MBD5: variants seen among roughly 807,000 people sequenced by gnomAD.
The protein encoded by MBD5 is methyl-CpG-binding domain protein 5.
A neutral mutation model predicts 117.3 loss-of-function variants in MBD5; 13 were observed. That is an observed-to-expected ratio of 0.11 (90% CI 0.07 to 0.18). The LOEUF (loss-of-function observed/expected upper bound fraction) is 0.18. Among genes scored for constraint, MBD5 ranks in the 10% least tolerant of loss-of-function variants. MBD5 has a pLI of 1.00. For missense variants in MBD5, 1,879 were observed against 2,093.8 expected (o/e 0.90, Z 2.00); for synonymous variants, 727 against 766.4 (o/e 0.95, Z 0.85).
chr2:148,281,322 T>C lies in MBD5; in HGVS notation c.-680+47927T>C, dbSNP rs577923756. On this transcript the variant is annotated intron_variant, in intron 3 of 13. Coordinates refer to ENST00000642680, the MANE Select transcript of MBD5 (RefSeq NM_001378120.1). ...TGCTCAATCCTGTTTTCCAGTTTAC[T>C]AGGTGCCTTTTCTACTATATCCTTT... Among the ~76,000 whole-genome samples the C allele has an allele frequency of 4.6e-5, 7 of 152,308 alleles. No homozygotes were observed. In the South Asian group the frequency reaches 1.0e-3, roughly 23 times the overall value.
intron 1 of MBD5, among the ~76,000 whole-genome samples, chr2:148,135,928 C>T (rs909757939): frequency 1.1e-4 from 17 of 152,128 alleles, no homozygotes; most frequent in Non-Finnish European, 2.9e-5. Flanking sequence ...TTTGGTCGTA[C>T]CTTCTGAACC....
chr2:148,496,346 A>G (rs1161899516), intron 11 of MBD5, among the ~76,000 whole-genome samples: 1 of 152,230 alleles, frequency 6.6e-6, no homozygotes, highest in Non-Finnish European at 1.5e-5. Context: ...AGAACTAGCA[A>G]AGACCAAAAA....
At chr2:148,141,804 T>C (rs6738143) in intron 1 of MBD5, among the ~76,000 whole-genome samples, 1 of 79,826 alleles carries the variant, frequency 1.3e-5, no homozygotes, top group South Asian at 4.3e-4. Flanking sequence ...AAAAAAAAAA[T>C]GTTTTTAATA....
At chr2:148,158,411 T>C (rs1406723279) in intron 1 of MBD5, among the ~76,000 whole-genome samples, 1 of 152,212 alleles carries the variant, frequency 6.6e-6, no homozygotes, top group Non-Finnish European at 1.5e-5. Context: ...GGCAGGTTTT[T>C]CTTTAAGTCT....
In MBD5 at chr2:148,167,504, T is replaced by C. The variant is rs148456562; in HGVS notation, c.-924-11196T>C. Among the ~76,000 whole-genome samples the C allele has an allele frequency of 3.1e-4, 47 of 152,304 alleles. No homozygotes were observed. The East Asian group carries it at 7.3e-3, about 24-fold the overall frequency. On this transcript the variant is annotated intron_variant, in intron 1 of 13. Coordinates refer to ENST00000642680, the MANE Select transcript of MBD5 (RefSeq NM_001378120.1). Reference sequence around the variant, plus strand: ...TTGCTACTACCATGTAAATAAAGGATTGTGGTCTGCATTCTAGATTTTTTT... The same window carrying C: ...TTGCTACTACCATGTAAATAAAGGACTGTGGTCTGCATTCTAGATTTTTTT...
intron 2 of MBD5, among the ~76,000 whole-genome samples, chr2:148,227,997 A>G (rs1462549588): frequency 6.6e-6 from 1 of 152,206 alleles, no homozygotes; most frequent in Non-Finnish European, 1.5e-5. Flanking sequence ...TTATCAGCTT[A>G]AGGAGATTTT....
At chr2:148,331,664 CAT>C (rs1270348787) in intron 3 of MBD5, among the ~76,000 whole-genome samples, 1 of 151,812 alleles carries the variant, frequency 6.6e-6, no homozygotes, top group African/African-American at 2.4e-5. Context: ...TATGCTAAAA[CAT>C]GTGAGTTTGG....
At chr2:148,129,694 C>A (rs1296040763) in intron 1 of MBD5, among the ~76,000 whole-genome samples, 1 of 152,052 alleles carries the variant, frequency 6.6e-6, no homozygotes, top group Non-Finnish European at 1.5e-5. Flanking sequence ...TGTTGAAAAT[C>A]TGGGGAAGAA....
chr2:148,023,859 A>G (rs1013859466), intron 1 of MBD5, among the ~76,000 whole-genome samples: 34 of 151,830 alleles, frequency 2.2e-4, no homozygotes, highest in African/African-American at 8.2e-4. Flanking sequence ...TCTAAGTTGG[A>G]TAATGATTTA....
Position 148,439,187 on chromosome 2 carries a change from T to G in MBD5, c.-556-19016T>G, listed in dbSNP as rs200376923. On this transcript the variant is annotated intron_variant, in intron 4 of 13. Transcript: ENST00000642680. Reference sequence around the variant, plus strand: ...TTTCAGGATTTCAGCATTTGAAATTTTAAGTTTTTGGGATTCTGATTTTCA... The same window carrying G: ...TTTCAGGATTTCAGCATTTGAAATTGTAAGTTTTTGGGATTCTGATTTTCA... Among the ~76,000 whole-genome samples the G allele has an allele frequency of 3.9e-5, 6 of 152,146 alleles. No homozygotes were observed. In the East Asian group the frequency reaches 1.2e-3, roughly 29 times the overall value.
At chr2:148,069,421 G>A (rs2105065373) in intron 1 of MBD5, among the ~76,000 whole-genome samples, 1 of 151,300 alleles carries the variant, frequency 6.6e-6, no homozygotes, top group Non-Finnish European at 1.5e-5. Flanking sequence ...ACTATTGTTG[G>A]CATTCATAGT....
intron 1 of MBD5, among the ~76,000 whole-genome samples, chr2:148,171,666 A>T (rs935160112): frequency 6.6e-6 from 1 of 152,228 alleles, no homozygotes; most frequent in African/African-American, 2.4e-5. Flanking sequence ...ATAGGAAAAG[A>T]AGTAGTAAAA....
intron 3 of MBD5, among the ~76,000 whole-genome samples, chr2:148,309,866 A>C (rs1701987205): frequency 6.6e-6 from 1 of 152,176 alleles, no homozygotes; most frequent in Non-Finnish European, 1.5e-5. Flanking sequence ...TTTTAGCATG[A>C]AGGGTTGTTG....
At chr2:148,403,995 G>C (rs529414384) in intron 4 of MBD5, among the ~76,000 whole-genome samples, 148 of 152,176 alleles carry the variant, frequency 9.7e-4, no homozygotes, top group Non-Finnish European at 1.9e-3. Context: ...TAAACTTTGG[G>C]TATTGGCTTT....
At chr2:148,321,741 CTA>C (rs2106572663) in intron 3 of MBD5, among the ~76,000 whole-genome samples, 1 of 152,134 alleles carries the variant, frequency 6.6e-6, no homozygotes, top group African/African-American at 2.4e-5. Flanking sequence ...TCCTCTATTT[CTA>C]TATATTAAAA....
intron 2 of MBD5, among the ~76,000 whole-genome samples, chr2:148,213,382 A>G (rs939392293): frequency 2.0e-5 from 3 of 152,150 alleles, no homozygotes; most frequent in Admixed American, 2.0e-4. Flanking sequence ...ACATTAAAAC[A>G]TTCTCACTTT....
intron 3 of MBD5, among the ~76,000 whole-genome samples, chr2:148,340,060 C>T (rs954773222): frequency 6.6e-6 from 1 of 152,012 alleles, no homozygotes; most frequent in Non-Finnish European, 1.5e-5. Flanking sequence ...CCTTTATTTC[C>T]TGGCTGTTTA....
chr2:148,226,563 C>A (rs1350152398), intron 2 of MBD5, among the ~76,000 whole-genome samples: 3 of 152,170 alleles, frequency 2.0e-5, no homozygotes, highest in African/African-American at 7.2e-5. Flanking sequence ...AATAGTGCCG[C>A]AATAAACATA....
At chr2:148,510,180 AAATT>A (rs748866635) in intron 13 of MBD5, 45 bp downstream of exon 13, 1 of 1,418,624 alleles carries the variant, frequency 7.0e-7, no homozygotes, top group East Asian at 2.3e-5. Context: ...CTTTGAAAAT[AAATT>A]GTGTTACACT....
Sources: allele counts gnomAD v4.1 joint callset (sites outside exome capture counted in the v4.1 genomes callset), GRCh38; gene constraint gnomAD v4.1.1; transcripts MANE v1.5; gene names NCBI Gene and HGNC (gene_info 2026-07-23, HGNC 2026-07-21).